Variants in SOBP observed in about 807,000 individuals in gnomAD.
SOBP encodes the protein sine oculis-binding protein homolog.
Under a neutral mutation model 53.6 loss-of-function variants are expected in SOBP, and 4 were observed. That is an observed-to-expected ratio of 0.07 (90% CI 0.04 to 0.17). The LOEUF (loss-of-function observed/expected upper bound fraction) is 0.17. SOBP is among the 10% of genes least tolerant of loss of function. The pLI is 1.00. For missense variants in SOBP, 1,088 were observed against 1,204.7 expected (o/e 0.90, Z 1.43); for synonymous variants, 584 against 522.6 (o/e 1.12, Z -1.60).
intron 4 of SOBP, among the ~76,000 whole-genome samples, chr6:107,583,875 C>T (rs1433572388): frequency 2.0e-5 from 3 of 152,088 alleles, no homozygotes; most frequent in Non-Finnish European, 4.4e-5. Flanking sequence ...ACTTACTGGT[C>T]GAGCATGCTA....
intron 5 of SOBP, among the ~76,000 whole-genome samples, chr6:107,612,085 A>G (rs1786620197): frequency 6.6e-6 from 1 of 152,198 alleles, no homozygotes; most frequent in Non-Finnish European, 1.5e-5. Flanking sequence ...CCGTTAGCAT[A>G]GTGAGATTGG....
intron 4 of SOBP, among the ~76,000 whole-genome samples, chr6:107,552,435 G>T (rs1193336844): frequency 6.6e-6 from 1 of 152,232 alleles, no homozygotes; most frequent in East Asian, 1.9e-4. Context: ...AGTCAGAGGT[G>T]AGTTGTTGGG....
intron 4 of SOBP, among the ~76,000 whole-genome samples, chr6:107,570,374 T>G (rs763877137): frequency 3.3e-5 from 5 of 152,254 alleles, no homozygotes; most frequent in African/African-American, 7.2e-5. Flanking sequence ...TTAGCCTAAA[T>G]CAATCAATCT....
chr6:107,521,888 G>A (rs577107159), intron 3 of SOBP, among the ~76,000 whole-genome samples: 1 of 149,178 alleles, frequency 6.7e-6, no homozygotes, highest in South Asian at 2.1e-4. Context: ...CTCATAGTCT[G>A]GTGGAAGAGA....
At position 107,490,639 on chromosome 6, in the gene SOBP, G is replaced by A; in HGVS notation, c.23G>A (p.Gly8Glu). 1.2e-6 allele frequency: 2 copies of A among 1,607,256 alleles called. No homozygotes were observed. Among genetic ancestry groups the A allele is most frequent in the Non-Finnish European group, 1.7e-6 (2 of 1,176,396 alleles). The stretch of plus-strand genomic sequence containing the variant: ...AACATGGCAGAAATGGAGAAAGAAG[G>A]GAGACCTCCCGAAAATAAACGGAGC... MAEMEKE[G>E]RPPENKRSRK... The change falls in exon 1 of 7, where the codon GGG becomes GAG. Residue 8 changes from glycine (G) to glutamate (E), a missense_variant. Gly to Glu is a moderately conservative substitution (Grantham distance 98). Transcript: ENST00000317357.
At position 107,633,741 on chromosome 6, in the gene SOBP, T is replaced by C. The variant is rs1050298055; in HGVS notation, c.897T>C (p.Ser299=). Residue 299 remains serine, a synonymous_variant, in exon 6 of 7, where the codon TCT becomes TCC. Coordinates refer to ENST00000317357, the MANE Select transcript of SOBP (RefSeq NM_018013.4). The part of the protein sequence containing the change: ...GTGVQLLTPD[S]WNIPLTDARR... ...GGGTGCAGCTGCTCACTCCAGACTC[T>C]TGGAATATCCCGCTAACAGATGCTC... 1.6e-5 allele frequency: 26 copies of C among 1,614,138 alleles called. No individual in the cohort carries two copies. The highest frequency in any genetic ancestry group is 1.8e-5 in the Non-Finnish European group (21 of 1,180,054).
chr6:107,594,495 C>G (rs1417342884), intron 5 of SOBP, among the ~76,000 whole-genome samples: 1 of 151,376 alleles, frequency 6.6e-6, no homozygotes, highest in Admixed American at 6.6e-5. Flanking sequence ...AAAAAAAAGA[C>G]TCAAGGAAAA....
chr6:107,602,986 C>T (rs1172439275), intron 5 of SOBP, among the ~76,000 whole-genome samples: 1 of 151,716 alleles, frequency 6.6e-6, no homozygotes, highest in East Asian at 1.9e-4. Context: ...AAAAAAAAAC[C>T]CTGCTTCCAT....
intron 5 of SOBP, 109 bp downstream of exon 5, chr6:107,587,284 T>C (rs914950970): frequency 1.1e-6 from 1 of 885,438 alleles, no homozygotes; most frequent in African/African-American, 1.7e-5. Context: ...ATTATAGTTT[T>C]CTGTATAGAG....
intron 4 of SOBP, among the ~76,000 whole-genome samples, chr6:107,542,798 GC>G (rs1388015332): frequency 2.6e-5 from 4 of 151,906 alleles, no homozygotes; most frequent in Non-Finnish European, 5.9e-5. Flanking sequence ...GGGAGGAAAG[GC>G]ACCAGGGAGG....
intron 5 of SOBP, among the ~76,000 whole-genome samples, chr6:107,606,050 T>C (rs1786362820): frequency 6.6e-6 from 1 of 150,534 alleles, no homozygotes; most frequent in African/African-American, 2.4e-5. Context: ...AGAAACATAT[T>C]GTGTAGATCA....
Position 107,635,216 on chromosome 6 carries a change from TG to T in SOBP, c.2375del (p.Gly792AlafsTer36), listed in dbSNP as rs1486034043. ...GACGGGGAGGCGGCCAAAAAGCTGATGGGCGAGGAGGCCCTGGCGGGGGGCG... is the reference window on the plus strand; with the variant it reads ...GACGGGGAGGCGGCCAAAAAGCTGATGGCGAGGAGGCCCTGGCGGGGGGCG... ...HLDGEAAKKL[M>X]GEEALAGGDK... On this transcript the variant is annotated frameshift_variant, in exon 6 of 7. Coordinates refer to ENST00000317357, the MANE Select transcript of SOBP (RefSeq NM_018013.4). LOFTEE classifies it high-confidence loss of function. This position sits in a 1 kb window ranked among gnomAD's most constrained non-coding sequence, Gnocchi z 4.5. 6.2e-7 allele frequency: 1 copy of T among 1,613,782 alleles called. No homozygotes were observed. Among genetic ancestry groups the T allele is most frequent in the Non-Finnish European group, 8.5e-7 (1 of 1,179,952 alleles).
At chr6:107,589,781 T>C (rs1172006279) in intron 5 of SOBP, among the ~76,000 whole-genome samples, 1 of 152,248 alleles carries the variant, frequency 6.6e-6, no homozygotes, top group Non-Finnish European at 1.5e-5. Context: ...CTATTTGATA[T>C]GTCACAATTC....
intron 4 of SOBP, among the ~76,000 whole-genome samples, chr6:107,576,138 A>T (rs1384616520): frequency 6.6e-6 from 1 of 152,176 alleles, no homozygotes; most frequent in East Asian, 1.9e-4. Context: ...GTGGATCATA[A>T]TTGGAGCTGT....
intron 3 of SOBP, among the ~76,000 whole-genome samples, chr6:107,508,605 AT>A: frequency 6.6e-6 from 1 of 152,130 alleles, no homozygotes. Context: ...AAGTCCTTTC[AT>A]ATTGAGGTCT....
intron 5 of SOBP, among the ~76,000 whole-genome samples, chr6:107,618,887 A>G (rs1050068750): frequency 1.3e-5 from 2 of 152,228 alleles, no homozygotes; most frequent in Non-Finnish European, 2.9e-5. Flanking sequence ...CTGAGAGGAC[A>G]GAAATTGAGT....
At chr6:107,654,812 C>A (rs1442404004) in intron 6 of SOBP, among the ~76,000 whole-genome samples, 2 of 140,522 alleles carry the variant, frequency 1.4e-5, no homozygotes, top group Non-Finnish European at 3.0e-5. Context: ...GAGGAGGAAT[C>A]AGGGCTCTGA....
chr6:107,634,848 C>T lies in SOBP; in HGVS notation c.2004C>T (p.Ile668=). 2.1e-6 allele frequency: 3 copies of T among 1,396,164 alleles called. No individual in the cohort carries two copies. Among genetic ancestry groups the T allele is most frequent in the Non-Finnish European group, 2.8e-6 (3 of 1,070,376 alleles). 86.5% of individuals were successfully genotyped at this position (1,396,164 alleles called of 1,614,324 possible). Residue 668 remains isoleucine (I), a synonymous_variant, in exon 6 of 7, where the codon ATC becomes ATT. Coordinates refer to ENST00000317357, the MANE Select transcript of SOBP (RefSeq NM_018013.4). This position sits in a 1 kb window ranked among gnomAD's most constrained non-coding sequence, Gnocchi z 4.5. ...ACCGAGCCCGGCTGCACAACGTGATCCACCGCGCGCTGCACGCGCACGTCA... is the reference window on the plus strand; with the variant it reads ...ACCGAGCCCGGCTGCACAACGTGATTCACCGCGCGCTGCACGCGCACGTCA... ...VGHRARLHNV[I]HRALHAHVKA...
chr6:107,495,280 C>G (rs999798744), intron 1 of SOBP, among the ~76,000 whole-genome samples: 3 of 152,182 alleles, frequency 2.0e-5, no homozygotes, highest in African/African-American at 7.2e-5. Flanking sequence ...GCCTTGCTCT[C>G]ACTTGTCCTG....
Sources: gnomAD v4.1 joint callset for allele counts (sites outside exome capture counted in the v4.1 genomes callset) on GRCh38, gnomAD v4.1.1 for gene constraint, Gnocchi (gnomAD v3.1) non-coding constraint, MANE v1.5 for transcripts, NCBI Gene and HGNC (gene_info 2026-07-23, HGNC 2026-07-21) for gene names.